Variants in ITFG1 observed in about 807,000 individuals in gnomAD.
ITFG1 encodes T-cell immunomodulatory protein.
In ITFG1, 34 loss-of-function variants were observed where a neutral mutation model predicts 81.8. The observed-to-expected ratio is 0.42, with a 90% CI of 0.32 to 0.55. The LOEUF (loss-of-function observed/expected upper bound fraction) is 0.55. Among genes scored for constraint, ITFG1 ranks in the 20% least tolerant of loss-of-function variants. The pLI, the probability that ITFG1 is intolerant of heterozygous loss-of-function variation, is 0.17. For synonymous variants in ITFG1, 285 were observed against 270.6 expected (o/e 1.05, Z -0.52); for missense variants, 672 against 755.4 (o/e 0.89, Z 1.29).
chr16:47,326,343 T>A (rs1967541244), intron 8 of ITFG1, among the ~76,000 whole-genome samples: 1 of 152,190 alleles, frequency 6.6e-6, no homozygotes, highest in Non-Finnish European at 1.5e-5. Context: ...AAGAGCTATC[T>A]ATGACAAACC....
intron 14 of ITFG1, among the ~76,000 whole-genome samples, chr16:47,193,457 T>C (rs1315025274): frequency 5.9e-5 from 9 of 152,096 alleles, no homozygotes. Flanking sequence ...TATAGCACTT[T>C]GGGAGGCCAA....
intron 6 of ITFG1, among the ~76,000 whole-genome samples, chr16:47,380,017 A>C (rs1302089740): frequency 6.6e-6 from 1 of 150,970 alleles, no homozygotes; most frequent in Non-Finnish European, 1.5e-5. Context: ...TTAAAAGCTA[A>C]ATGTGAAAGG....
chr16:47,460,817 G>C (rs1279077292), intron 1 of ITFG1, 21 bp downstream of exon 1: 1 of 1,611,178 alleles, frequency 6.2e-7, no homozygotes. Flanking sequence ...CGAACAGAGG[G>C]AGGGCCCGGC....
chr16:47,441,674 A>G (rs1242577806), intron 5 of ITFG1, among the ~76,000 whole-genome samples: 3 of 152,240 alleles, frequency 2.0e-5, no homozygotes, highest in African/African-American at 2.4e-5. Flanking sequence ...TTGATGGGAC[A>G]TATCTCAAAA....
chr16:47,298,352 C>T (rs1397616465), intron 10 of ITFG1, among the ~76,000 whole-genome samples: 1 of 152,082 alleles, frequency 6.6e-6, no homozygotes, highest in Non-Finnish European at 1.5e-5. Context: ...CGGAGAATTA[C>T]TGTTTCTTTG....
intron 10 of ITFG1, among the ~76,000 whole-genome samples, chr16:47,288,844 C>T (rs912386971): frequency 2.6e-5 from 4 of 152,190 alleles, no homozygotes; most frequent in African/African-American, 7.2e-5. Flanking sequence ...TGCAGCGAGT[C>T]GAGATTGCAC....
At chr16:47,217,780 C>T (rs1965642116) in intron 14 of ITFG1, among the ~76,000 whole-genome samples, 1 of 152,068 alleles carries the variant, frequency 6.6e-6, no homozygotes, top group Non-Finnish European at 1.5e-5. Flanking sequence ...AAAAAATTAG[C>T]CGGGTGTAGT....
chr16:47,453,651 T>C (rs1969416211), intron 3 of ITFG1, among the ~76,000 whole-genome samples: 1 of 152,334 alleles, frequency 6.6e-6, no homozygotes, highest in South Asian at 2.1e-4. Context: ...CTGGCAGCAG[T>C]TGTGTAACTA....
intron 14 of ITFG1, among the ~76,000 whole-genome samples, chr16:47,205,785 T>A (rs142226254): frequency 1.2e-4 from 19 of 152,282 alleles, no homozygotes; most frequent in Non-Finnish European, 2.4e-4. Context: ...GTTTAATTAA[T>A]CAGAGTCATA....
intron 14 of ITFG1, among the ~76,000 whole-genome samples, chr16:47,197,720 G>T (rs1346525204): frequency 1.3e-5 from 2 of 152,184 alleles, no homozygotes; most frequent in South Asian, 2.1e-4. Flanking sequence ...ACCCACTTGG[G>T]TGAGACAGGA....
At chr16:47,193,316 A>G (rs943178918) in intron 14 of ITFG1, among the ~76,000 whole-genome samples, 10 of 151,782 alleles carry the variant, frequency 6.6e-5, no homozygotes, top group Non-Finnish European at 1.3e-4. Flanking sequence ...TTTACATTTA[A>G]GTATATTTAA....
chr16:47,298,192 C>T (rs1016192047), intron 10 of ITFG1, among the ~76,000 whole-genome samples: 5 of 151,984 alleles, frequency 3.3e-5, no homozygotes, highest in African/African-American at 9.7e-5. Flanking sequence ...ATATCCATCT[C>T]GTTGGTACAC....
intron 13 of ITFG1, among the ~76,000 whole-genome samples, chr16:47,224,217 A>G (rs929837807): frequency 6.6e-6 from 1 of 152,220 alleles, no homozygotes; most frequent in Non-Finnish European, 1.5e-5. Flanking sequence ...GTATAATAAT[A>G]AATAAATAAA....
intron 14 of ITFG1, among the ~76,000 whole-genome samples, chr16:47,183,769 G>A (rs573772089): frequency 3.3e-5 from 5 of 152,316 alleles, no homozygotes; most frequent in African/African-American, 9.6e-5. Flanking sequence ...CACTAGCAAC[G>A]GAACAAAGCT....
chr16:47,413,775 A>G (rs1437261059), intron 6 of ITFG1, among the ~76,000 whole-genome samples: 2 of 152,136 alleles, frequency 1.3e-5, no homozygotes, highest in Non-Finnish European at 1.5e-5. Flanking sequence ...GATTTGCAAA[A>G]AAATAAAACC....
chr16:47,221,146 C>T lies in ITFG1; in HGVS notation c.1375-2200G>A, dbSNP rs145274179. ...GAGAAATGTCACTATATGACCTTTT[C>T]GGAAGCTCCCTGAAAAGCTCTCTTC... On this transcript the variant is annotated intron_variant, in intron 13 of 17. Coordinates refer to ENST00000320640, the MANE Select transcript of ITFG1 (RefSeq NM_030790.5). Among the ~76,000 whole-genome samples, 762 of 152,020 alleles carry T rather than the reference C, an allele frequency of 5.0e-3. 5 individuals carry two copies. Among genetic ancestry groups the T allele is most frequent in the African/African-American group, 0.017 (685 of 41,450 alleles).
intron 5 of ITFG1, among the ~76,000 whole-genome samples, chr16:47,444,502 AG>A (rs1969297581): frequency 6.6e-6 from 1 of 152,138 alleles, no homozygotes; most frequent in South Asian, 2.1e-4. Context: ...TAAAAGAAAA[AG>A]GTATATACTG....
rs145184248 is a variant in ITFG1, at chr16:47,432,263, T to C, written c.561-3365A>G. Among the ~76,000 whole-genome samples the C allele has an allele frequency of 6.4e-4, 98 of 152,308 alleles. 1 individual carries two copies. The highest frequency in any genetic ancestry group is 2.1e-3 in the African/African-American group (88 of 41,570). ...CCAATATGAAACCACAGATATGTCATCTCCATAGAGCAATTTAAGGCTATT... is the reference window on the plus strand; with the variant it reads ...CCAATATGAAACCACAGATATGTCACCTCCATAGAGCAATTTAAGGCTATT... On this transcript the variant is annotated intron_variant, in intron 5 of 17. Transcript: ENST00000320640.
At chr16:47,258,492 C>T (rs1966164749) in intron 12 of ITFG1, 140 bp downstream of exon 12, 1 of 533,534 alleles carries the variant, frequency 1.9e-6, no homozygotes, top group African/African-American at 2.0e-5. Flanking sequence ...TGAATGGGGT[C>T]TATGTATATA....
Sources: gnomAD v4.1 joint callset for allele counts (sites outside exome capture counted in the v4.1 genomes callset) on GRCh38, gnomAD v4.1.1 for gene constraint, MANE v1.5 for transcripts, NCBI Gene and HGNC (gene_info 2026-07-23, HGNC 2026-07-21) for gene names.